Variants in TENM2 observed in about 807,000 individuals in gnomAD.
TENM2 encodes teneurin-2.
In TENM2, 52 loss-of-function variants were observed where a neutral mutation model predicts 245.2. The observed-to-expected ratio is 0.21, with a 90% CI of 0.17 to 0.27. The LOEUF (loss-of-function observed/expected upper bound fraction) is 0.27, where lower values mean the gene tolerates loss of function less well. TENM2 is among the 10% of genes least tolerant of loss of function. TENM2 has a pLI of 1.00. For missense variants in TENM2, 3,046 were observed against 3,666.8 expected (o/e 0.83, Z 4.37); for synonymous variants, 1,363 against 1,438.9 (o/e 0.95, Z 1.19).
chr5:167,535,178 C>T (rs1004222688), intron 2 of TENM2, among the ~76,000 whole-genome samples: 1 of 151,784 alleles, frequency 6.6e-6, no homozygotes, highest in Non-Finnish European at 1.5e-5. Context: ...AGTTATTGAC[C>T]ATTTGGGGTT....
intron 2 of TENM2, among the ~76,000 whole-genome samples, chr5:167,777,158 C>G (rs1763864736): frequency 6.6e-6 from 1 of 152,106 alleles, no homozygotes; most frequent in South Asian, 2.1e-4. Context: ...ACAGAGGAGA[C>G]AGAGAGTGTG....
chr5:167,002,109 G>A, the TENM2 span, among the ~76,000 whole-genome samples: 1 of 152,038 alleles, frequency 6.6e-6, no homozygotes, highest in African/African-American at 2.4e-5. Context: ...TAGGAAAAAA[G>A]GGTCTTTTTC....
intron 2 of TENM2, among the ~76,000 whole-genome samples, chr5:167,766,052 T>C (rs1762996619): frequency 6.6e-6 from 1 of 152,088 alleles, no homozygotes; most frequent in African/African-American, 2.4e-5. Context: ...ATAAAATAAA[T>C]GAACAAGCAG....
intron 2 of TENM2, among the ~76,000 whole-genome samples, chr5:167,395,977 G>A (rs1177801786): frequency 6.6e-6 from 1 of 152,172 alleles, no homozygotes; most frequent in Non-Finnish European, 1.5e-5. Flanking sequence ...TGTCAAGGAT[G>A]TGGAGAAATC....
intron 2 of TENM2, among the ~76,000 whole-genome samples, chr5:167,477,298 A>T (rs938808743): frequency 6.6e-6 from 1 of 152,022 alleles, no homozygotes; most frequent in African/African-American, 2.4e-5. Context: ...TGACTAGTAA[A>T]ACAATTTTCT....
intron 2 of TENM2, among the ~76,000 whole-genome samples, chr5:167,593,808 G>A (rs916835750): frequency 6.6e-6 from 1 of 152,116 alleles, no homozygotes; most frequent in Non-Finnish European, 1.5e-5. Flanking sequence ...CCACCATTGT[G>A]GATCTTTGCA....
chr5:167,236,908 C>T, the TENM2 span, among the ~76,000 whole-genome samples: 23 of 140,576 alleles, frequency 1.6e-4, no homozygotes, highest in Non-Finnish European at 3.1e-4. Flanking sequence ...AATCTGAAAA[C>T]AAGAAAGTCT....
intron 2 of TENM2, among the ~76,000 whole-genome samples, chr5:167,434,344 G>A (rs533701579): frequency 1.0e-3 from 147 of 147,330 alleles, no homozygotes; most frequent in Non-Finnish European, 1.6e-3. Context: ...AACCCGGGAG[G>A]CAGAGGTTGC....
chr5:167,144,963 G>GGGAGAAAATTTTAGGGAGAA, the TENM2 span, among the ~76,000 whole-genome samples: 3 of 152,132 alleles, frequency 2.0e-5, no homozygotes, highest in Non-Finnish European at 4.4e-5. Flanking sequence ...TCCTTTCCTT[G>GGGAGAAAATTTTAGGGAGAA]TCCTTTATTT....
At chr5:168,092,045 G>A (rs1047702057) in intron 8 of TENM2, among the ~76,000 whole-genome samples, 4 of 152,146 alleles carry the variant, frequency 2.6e-5, no homozygotes, top group African/African-American at 4.8e-5. Context: ...AATATGTCTA[G>A]TATCGCTCTT....
At chr5:167,212,640 A>G in the TENM2 span, among the ~76,000 whole-genome samples, 1 of 152,204 alleles carries the variant, frequency 6.6e-6, no homozygotes, top group Non-Finnish European at 1.5e-5. Flanking sequence ...TATTTCCAGT[A>G]TATTTGGTTT....
intron 2 of TENM2, among the ~76,000 whole-genome samples, chr5:167,746,237 C>A (rs1354772089): frequency 2.0e-5 from 3 of 152,142 alleles, no homozygotes; most frequent in Admixed American, 2.0e-4. Context: ...ACACGAAACC[C>A]AATGGCTCAC....
At chr5:167,217,530 G>C in the TENM2 span, among the ~76,000 whole-genome samples, 160 of 152,018 alleles carry the variant, frequency 1.1e-3, 2 homozygotes, top group East Asian at 0.027. Flanking sequence ...CTGCTGAAGA[G>C]TTTCAAATGT....
At chr5:167,619,010 G>T (rs983577765) in intron 2 of TENM2, among the ~76,000 whole-genome samples, 8 of 152,026 alleles carry the variant, frequency 5.3e-5, no homozygotes, top group Admixed American at 5.2e-4. Flanking sequence ...GCAAACTGGG[G>T]AGTGTATATT....
chr5:167,505,766 A>G (rs569265972), intron 2 of TENM2, among the ~76,000 whole-genome samples: 4 of 152,298 alleles, frequency 2.6e-5, no homozygotes, highest in African/African-American at 7.2e-5. Flanking sequence ...TAAAACCCAC[A>G]TAAGTTGTAT....
At chr5:167,090,050 A>G in the TENM2 span, among the ~76,000 whole-genome samples, 1 of 152,176 alleles carries the variant, frequency 6.6e-6, no homozygotes, top group East Asian at 1.9e-4. Flanking sequence ...AGAAGGTACC[A>G]GTTTCAGATA....
chr5:167,498,858 T>C (rs1768990789), intron 2 of TENM2, among the ~76,000 whole-genome samples: 1 of 152,182 alleles, frequency 6.6e-6, no homozygotes, highest in Admixed American at 6.6e-5. Context: ...ATTACTGAGA[T>C]GATGACGATA....
intron 2 of TENM2, among the ~76,000 whole-genome samples, chr5:167,438,007 G>A (rs1360875092): frequency 6.6e-6 from 1 of 152,152 alleles, no homozygotes; most frequent in Non-Finnish European, 1.5e-5. Context: ...CTTTAACACA[G>A]TGTCTCCCAA....
chr5:167,262,408 G>A, the TENM2 span, among the ~76,000 whole-genome samples: 199 of 139,804 alleles, frequency 1.4e-3, 1 homozygote, highest in African/African-American at 1.1e-4. Flanking sequence ...TTGGGGGGGC[G>A]GTGCACAATA....
Sources: allele counts gnomAD v4.1 joint callset (sites outside exome capture counted in the v4.1 genomes callset), GRCh38; gene constraint gnomAD v4.1.1; transcripts MANE v1.5; gene names NCBI Gene and HGNC (gene_info 2026-07-23, HGNC 2026-07-21).